Variants in PATJ observed in about 807,000 individuals in gnomAD.
PATJ encodes PATJ crumbs cell polarity complex component.
A neutral mutation model predicts 224.9 loss-of-function variants in PATJ; 190 were observed. That is an observed-to-expected ratio of 0.84 (90% CI 0.75 to 0.95). PATJ has a LOEUF of 0.95. Ranked by LOEUF, PATJ falls within the 40% of genes least tolerant of loss-of-function variation. The probability of loss-of-function intolerance (pLI) is 0.00; values close to 1 mark genes in which losing one functional copy is unlikely to be tolerated. For synonymous variants in PATJ, 769 were observed against 820.3 expected, an observed-to-expected ratio of 0.94 and a Z score of 1.07; for missense variants, 2,121 against 2,270.3, an observed-to-expected ratio of 0.93 and a Z score of 1.34.
chr1:61,785,320 A>C (rs1648276342), intron 7 of PATJ, among the ~76,000 whole-genome samples: 1 of 152,224 alleles, frequency 6.6e-6, no homozygotes, highest in South Asian at 2.1e-4. Context: ...GGAAAGCAAT[A>C]AATTTACTAT....
At chr1:61,900,747 G>A (rs1050128740) in intron 23 of PATJ, among the ~76,000 whole-genome samples, 1 of 151,886 alleles carries the variant, frequency 6.6e-6, no homozygotes, top group South Asian at 2.1e-4. Context: ...CCGCCACTAC[G>A]CCCGGCTAAT....
intron 14 of PATJ, among the ~76,000 whole-genome samples, chr1:61,821,709 TATAAA>T (rs142594632): frequency 0.011 from 1,665 of 152,296 alleles, 27 homozygotes; most frequent in African/African-American, 0.039. Context: ...GTTTTCTCCT[TATAAA>T]ATATAGTTCG....
intron 28 of PATJ, 65 bp from the exon 29 acceptor site, chr1:62,017,791 C>T: frequency 1.4e-6 from 1 of 718,470 alleles, no homozygotes; most frequent in Non-Finnish European, 2.4e-6. Flanking sequence ...TCATTTAATT[C>T]CAAGTATATA....
At chr1:61,913,030 C>T (rs1335870523) in intron 25 of PATJ, among the ~76,000 whole-genome samples, 1 of 152,074 alleles carries the variant, frequency 6.6e-6, no homozygotes, top group Non-Finnish European at 1.5e-5. Flanking sequence ...GTTAGTGTAT[C>T]GTTACTGTTG....
chr1:61,892,006 T>G (rs1407110781), intron 22 of PATJ, among the ~76,000 whole-genome samples: 1 of 152,214 alleles, frequency 6.6e-6, no homozygotes, highest in Non-Finnish European at 1.5e-5. Flanking sequence ...TATGTCTACC[T>G]TCTTTTACTC....
At chr1:62,104,860 C>T (rs1662699725) in intron 33 of PATJ, among the ~76,000 whole-genome samples, 2 of 151,816 alleles carry the variant, frequency 1.3e-5, no homozygotes, top group South Asian at 2.1e-4. Context: ...TTAGTAGAGA[C>T]GGGGTTTCAC....
chr1:61,885,728 A>G (rs1180944509), intron 22 of PATJ, among the ~76,000 whole-genome samples: 7 of 151,926 alleles, frequency 4.6e-5, no homozygotes, highest in African/African-American at 1.5e-4. Flanking sequence ...ACATGCACAC[A>G]TATGTTTATT....
At chr1:61,770,204 C>T (rs1646521247) in intron 5 of PATJ, among the ~76,000 whole-genome samples, 1 of 152,158 alleles carries the variant, frequency 6.6e-6, no homozygotes, top group African/African-American at 2.4e-5. Flanking sequence ...GTTTCCGTGA[C>T]TTTGCATCTT....
chr1:61,755,250 A>T (rs1226998942), intron 1 of PATJ, among the ~76,000 whole-genome samples: 1 of 150,968 alleles, frequency 6.6e-6, no homozygotes, highest in Admixed American at 6.6e-5. Context: ...TGGAGCTTAC[A>T]GTGAACCGAG....
At chr1:62,061,697 T>C (rs1189651290) in intron 31 of PATJ, among the ~76,000 whole-genome samples, 1 of 152,052 alleles carries the variant, frequency 6.6e-6, no homozygotes, top group East Asian at 1.9e-4. Flanking sequence ...TCTCACTCTG[T>C]GGCCCAGGCT....
At chr1:62,137,796 C>T (rs1303554014) in intron 41 of PATJ, among the ~76,000 whole-genome samples, 2 of 151,960 alleles carry the variant, frequency 1.3e-5, no homozygotes, top group African/African-American at 2.4e-5. Context: ...GCAGCCTCCC[C>T]GTCCTCTGGT....
At chr1:61,812,468 G>GTGTGTGTGTGT (rs1213546488) in intron 14 of PATJ, among the ~76,000 whole-genome samples, 20 of 147,692 alleles carry the variant, frequency 1.4e-4, no homozygotes, top group African/African-American at 2.7e-4. Flanking sequence ...GTGTGTGTGT[G>GTGTGTGTGTGT]GTGGTATTGG....
At chr1:62,001,075 GATT>G (rs1645739120) in intron 28 of PATJ, among the ~76,000 whole-genome samples, 1 of 151,956 alleles carries the variant, frequency 6.6e-6, no homozygotes, top group Non-Finnish European at 1.5e-5. Context: ...GTTCATTATA[GATT>G]CTGGATATTA....
chr1:61,942,328 T>C (rs1004023524), intron 27 of PATJ, among the ~76,000 whole-genome samples: 5 of 152,190 alleles, frequency 3.3e-5, no homozygotes, highest in Admixed American at 3.3e-4. Context: ...ACTCAATTTT[T>C]GAAAATGGGC....
intron 20 of PATJ, among the ~76,000 whole-genome samples, chr1:61,874,996 A>T (rs891742814): frequency 5.3e-5 from 8 of 152,178 alleles, no homozygotes; most frequent in Admixed American, 5.2e-4. Flanking sequence ...TCCACTTATT[A>T]ATGCTTATAA....
intron 1 of PATJ, among the ~76,000 whole-genome samples, chr1:61,759,658 T>G (rs1433579451): frequency 2.0e-5 from 3 of 152,248 alleles, no homozygotes; most frequent in Non-Finnish European, 4.4e-5. Flanking sequence ...TCCGCCTACC[T>G]TGGCCTCCCA....
intron 30 of PATJ, among the ~76,000 whole-genome samples, chr1:62,048,265 G>C (rs1479228310): frequency 6.6e-6 from 1 of 152,092 alleles, no homozygotes. Flanking sequence ...AGAAAGAAAA[G>C]GCCGGGCGTG....
rs145837024 is a variant in PATJ at position 62,086,228 on chromosome 1, A to ATGTGTGTGTGTGTGTGTGTGTG, written c.4377+1595_4377+1596insGTGTGTGTGTGTGTGTGTGTGT. ...TACTCAAGATGTGATTAATTAATGCATGTGTGTGTGTGTGTATGTGTGTGT... is the reference window on the plus strand; with the variant it reads ...TACTCAAGATGTGATTAATTAATGCATGTGTGTGTGTGTGTGTGTGTGTGTGTGTGTGTGTGTATGTGTGTGT... On this transcript the variant is annotated intron_variant, in intron 33 of 43. Coordinates refer to ENST00000642238, the MANE Select transcript of PATJ (RefSeq NM_001350145.3). This position sits in a 1 kb window ranked among gnomAD's most constrained non-coding sequence, Gnocchi z 4.0. Among the ~76,000 whole-genome samples, 2,478 of 150,302 alleles carry ATGTGTGTGTGTGTGTGTGTGTG rather than the reference A, an allele frequency of 0.016. 33 individuals carry two copies. Among genetic ancestry groups the ATGTGTGTGTGTGTGTGTGTGTG allele is most frequent in the Non-Finnish European group, 0.021 (1,425 of 67,712 alleles).
At chr1:62,123,368 T>G (rs1389463244) in intron 39 of PATJ, among the ~76,000 whole-genome samples, 1 of 151,742 alleles carries the variant, frequency 6.6e-6, no homozygotes, top group East Asian at 1.9e-4. Flanking sequence ...AAAACAAAAA[T>G]GGTATCATGT....
Sources: gnomAD v4.1 joint callset for allele counts (sites outside exome capture counted in the v4.1 genomes callset) on GRCh38, gnomAD v4.1.1 for gene constraint, Gnocchi (gnomAD v3.1) non-coding constraint, MANE v1.5 for transcripts, NCBI Gene and HGNC (gene_info 2026-07-23, HGNC 2026-07-21) for gene names.